Variants in SYNE2 observed in about 807,000 individuals in gnomAD.
SYNE2 encodes the protein spectrin repeat containing nuclear envelope protein 2.
In SYNE2, 431 loss-of-function variants were observed where a neutral mutation model predicts 856.3. The ratio of observed to expected loss-of-function variants is 0.50; its 90% CI spans 0.47 to 0.55. The LOEUF (loss-of-function observed/expected upper bound fraction) is 0.55. SYNE2 is among the 20% of genes least tolerant of loss of function. The probability of loss-of-function intolerance (pLI) is 0.00; values close to 1 mark genes in which losing one functional copy is unlikely to be tolerated. For synonymous variants in SYNE2, 2,923 were observed against 2,872.3 expected (o/e 1.02, Z -0.56); for missense variants, 8,129 against 8,023.2 (o/e 1.01, Z -0.50).
At chr14:63,763,866 T>C (rs1269047860) in intron 1 of SYNE2, among the ~76,000 whole-genome samples, 1 of 152,152 alleles carries the variant, frequency 6.6e-6, no homozygotes, top group African/African-American at 2.4e-5. Flanking sequence ...GATGGGGACT[T>C]GCCCTATGTT....
intron 50 of SYNE2, 121 bp from the exon 51 acceptor site, chr14:64,065,311 G>GTC (rs2097350489): frequency 1.2e-6 from 1 of 845,842 alleles, no homozygotes; most frequent in African/African-American, 1.7e-5. Flanking sequence ...GATAAGAGGT[G>GTC]GATCATGCAA....
At chr14:64,013,518 C>T (rs1417895619) in intron 32 of SYNE2, among the ~76,000 whole-genome samples, 3 of 152,116 alleles carry the variant, frequency 2.0e-5, no homozygotes, top group Admixed American at 6.5e-5. Context: ...GCCTATTATT[C>T]CACTCCATGC....
At chr14:63,925,948 G>A (rs1176115896) in intron 2 of SYNE2, among the ~76,000 whole-genome samples, 1 of 151,880 alleles carries the variant, frequency 6.6e-6, no homozygotes, top group South Asian at 2.1e-4. Flanking sequence ...CTGCCTCCTG[G>A]GCTCAAGCGA....
intron 2 of SYNE2, among the ~76,000 whole-genome samples, chr14:63,916,629 TG>T (rs775768501): frequency 1.3e-5 from 2 of 152,226 alleles, no homozygotes; most frequent in Non-Finnish European, 2.9e-5. Context: ...TCAGATAGGA[TG>T]GAAACATGAT....
chr14:63,816,351 G>T (rs1319596343), intron 1 of SYNE2, among the ~76,000 whole-genome samples: 2 of 152,142 alleles, frequency 1.3e-5, no homozygotes, highest in African/African-American at 4.8e-5. Context: ...TCCCCAAACT[G>T]AGAGACTAGT....
intron 99 of SYNE2, chr14:64,202,211 A>G: frequency 1.4e-6 from 1 of 702,210 alleles, no homozygotes; most frequent in Non-Finnish European, 2.6e-6. Flanking sequence ...CCCATAATCT[A>G]CCCGCATGGG....
At chr14:64,203,147 C>T (rs576394226) in intron 100 of SYNE2, among the ~76,000 whole-genome samples, 184 bp downstream of exon 100, 2 of 152,346 alleles carry the variant, frequency 1.3e-5, no homozygotes, top group East Asian at 3.9e-4. Flanking sequence ...CTCCCTCCCA[C>T]ATTCATGTAG....
At chr14:63,814,687 TCC>T (rs1491336255) in intron 1 of SYNE2, among the ~76,000 whole-genome samples, 11 of 128,822 alleles carry the variant, frequency 8.5e-5, no homozygotes, top group African/African-American at 2.4e-4. Flanking sequence ...TCCATATATA[TCC>T]ATATATATAT....
At chr14:63,809,330 G>A (rs1301345596) in intron 1 of SYNE2, among the ~76,000 whole-genome samples, 1 of 152,104 alleles carries the variant, frequency 6.6e-6, no homozygotes, top group Non-Finnish European at 1.5e-5. Context: ...TAAGAAAACT[G>A]AATTTTCTCA....
At chr14:64,150,291 C>CT (rs2098229041) in intron 84 of SYNE2, among the ~76,000 whole-genome samples, 2 of 35,626 alleles carry the variant, frequency 5.6e-5, no homozygotes, top group Non-Finnish European at 1.2e-4. Flanking sequence ...GATTCTCTCT[C>CT]AAAAAAAAAA....
chr14:64,017,703 C>T lies in SYNE2; in HGVS notation c.4996C>T (p.Leu1666Phe), dbSNP rs1318423951. 1.2e-6 allele frequency: 2 copies of T among 1,613,480 alleles called. No individual in the cohort carries two copies. The highest frequency in any genetic ancestry group is 2.7e-5 in the African/African-American group (2 of 74,844). Residue 1666 changes from leucine to phenylalanine, a missense_variant, in exon 34 of 116, where the codon CTT becomes TTT. Transcript: ENST00000555002. ...CATTGATGAGTGGACAGAAAAGGCCCTTCAAAAAATGGAATTACATCAATT... is the reference window on the plus strand; with the variant it reads ...CATTGATGAGTGGACAGAAAAGGCCTTTCAAAAAATGGAATTACATCAATT... ...NVIDEWTEKA[L>F]QKMELHQLTE...
At chr14:63,793,888 A>G (rs1595115707) in intron 1 of SYNE2, among the ~76,000 whole-genome samples, 1 of 151,712 alleles carries the variant, frequency 6.6e-6, no homozygotes, top group Non-Finnish European at 1.5e-5. Context: ...GCAGTGAGCC[A>G]TGATCATGCC....
intron 35 of SYNE2, 70 bp downstream of exon 35, chr14:64,020,163 A>G (rs922193978): frequency 1.8e-6 from 2 of 1,084,560 alleles, no homozygotes; most frequent in African/African-American, 3.1e-5. Context: ...ACTGCACTCC[A>G]GCCTGGGCGA....
chr14:64,160,128 A>G (rs2098316576), intron 87 of SYNE2, among the ~76,000 whole-genome samples: 1 of 152,144 alleles, frequency 6.6e-6, no homozygotes, highest in Non-Finnish European at 1.5e-5. Flanking sequence ...CAAATTATAT[A>G]CCCTGCAGTG....
chr14:63,834,380 A>C (rs1384548484), intron 1 of SYNE2, among the ~76,000 whole-genome samples: 1 of 152,156 alleles, frequency 6.6e-6, no homozygotes, highest in Admixed American at 6.6e-5. Context: ...ATTTAAAAAA[A>C]GAAAAGAAAA....
At chr14:63,974,880 G>A (rs1338339609) in intron 11 of SYNE2, among the ~76,000 whole-genome samples, 363 of 28,258 alleles carry the variant, frequency 0.013, 1 homozygote, top group Admixed American at 0.028. Flanking sequence ...GTGTGTGTGT[G>A]TGTGTGTGTG....
chr14:64,203,719 C>G (rs536308884), intron 100 of SYNE2, among the ~76,000 whole-genome samples: 2 of 152,164 alleles, frequency 1.3e-5, no homozygotes, highest in Non-Finnish European at 2.9e-5. Flanking sequence ...ACCTGTTTTT[C>G]TCAGACCTAT....
chr14:64,007,064 G>C lies in SYNE2; in HGVS notation c.4419G>C (p.Leu1473=). The change falls in exon 31 of 116, where the codon CTG becomes CTC. Residue 1473 remains leucine (L), a synonymous_variant. Transcript: ENST00000555002. Reference sequence around the variant, plus strand: ...CAAGGAAAAAATCATTAATCAGACTGGATAAGGTTCTAGATGAATATGAAG... The same window carrying C: ...CAAGGAAAAAATCATTAATCAGACTCGATAAGGTTCTAGATGAATATGAAG... The part of the protein sequence containing the change: ...VKHRKKSLIR[L]DKVLDEYEEE... The C allele has an allele frequency of 6.2e-7, 1 of 1,613,306 alleles. No homozygotes were observed. Among genetic ancestry groups the C allele is most frequent in the Non-Finnish European group, 8.5e-7 (1 of 1,179,510 alleles).
intron 1 of SYNE2, among the ~76,000 whole-genome samples, chr14:63,834,099 A>G (rs1467165578): frequency 6.6e-6 from 1 of 152,242 alleles, no homozygotes; most frequent in Non-Finnish European, 1.5e-5. Flanking sequence ...GAGTAGGCAC[A>G]TTCCAAAATA....
Sources: gnomAD v4.1 joint callset for allele counts (sites outside exome capture counted in the v4.1 genomes callset) on GRCh38, gnomAD v4.1.1 for gene constraint, MANE v1.5 for transcripts, NCBI Gene and HGNC (gene_info 2026-07-23, HGNC 2026-07-21) for gene names.